The following PLCH1 variants were observed in gnomAD, a reference collection of about 807,000 sequenced individuals.
PLCH1 encodes the protein 1-phosphatidylinositol 4,5-bisphosphate phosphodiesterase eta-1.
In PLCH1, 60 loss-of-function variants were observed where a neutral mutation model predicts 126.7. The ratio of observed to expected loss-of-function variants is 0.47; its 90% CI spans 0.38 to 0.59. The LOEUF (loss-of-function observed/expected upper bound fraction) is 0.59. Among genes scored for constraint, PLCH1 ranks in the 20% least tolerant of loss-of-function variants. The pLI, the probability that PLCH1 is intolerant of heterozygous loss-of-function variation, is 0.00. For missense variants in PLCH1, 1,723 were observed against 2,040.0 expected (o/e 0.84, Z 2.99); for synonymous variants, 719 against 734.9 (o/e 0.98, Z 0.35).
At chr3:155,542,503 T>C (rs1420035662) in intron 10 of PLCH1, among the ~76,000 whole-genome samples, 1 of 152,138 alleles carries the variant, frequency 6.6e-6, no homozygotes, top group East Asian at 1.9e-4. Flanking sequence ...CAGACTTAAA[T>C]GTCCCCGTCT....
chr3:155,488,137 T>C, intron 20 of PLCH1, 30 bp from the exon 21 acceptor site: 1 of 1,399,348 alleles, frequency 7.1e-7, no homozygotes, highest in Non-Finnish European at 1.0e-6. Flanking sequence ...TCGTTTCTTT[T>C]TAGTTGAACT....
At chr3:155,740,057 C>A (rs533847791) in intron 1 of PLCH1, among the ~76,000 whole-genome samples, 1 of 152,102 alleles carries the variant, frequency 6.6e-6, no homozygotes, top group Non-Finnish European at 1.5e-5. Context: ...TTAGACATAG[C>A]GTGTGTACCA....
At chr3:155,550,078 TGA>T in intron 9 of PLCH1, 120 bp from the exon 10 acceptor site, 4 of 611,048 alleles carry the variant, frequency 6.5e-6, no homozygotes, top group Admixed American at 6.8e-5. Context: ...GCGATACTGA[TGA>T]TGGTTAAAAT....
At chr3:155,662,668 T>G (rs1337327658) in intron 2 of PLCH1, among the ~76,000 whole-genome samples, 1 of 152,078 alleles carries the variant, frequency 6.6e-6, no homozygotes, top group Non-Finnish European at 1.5e-5. Flanking sequence ...TATTTCTTTT[T>G]TTGTTTTGTT....
Position 155,481,578 on chromosome 3 carries a change from T to G in PLCH1, c.4448A>C (p.Lys1483Thr). ...TGTTAAGTCCCCCAGACTTTTGGAT[T>G]TGCAAGGACTAGGCAGTTTCAGAGC... ...LPALKLPSPC[K>T]SKSLGDLTSE... The change falls in exon 23 of 23, where the codon AAA (lysine) becomes ACA (threonine). Residue 1483 changes from lysine to threonine, a missense_variant. By Grantham distance (78) the Lys-to-Thr change is moderately conservative. Transcript: ENST00000460012. The surrounding 1 kb of genome is among the most constrained non-coding windows in gnomAD (Gnocchi z 4.2). 6.2e-7 allele frequency: 1 copy of G among 1,614,146 alleles called. No homozygotes were observed.
chr3:155,590,739 G>A (rs1732053532), intron 4 of PLCH1, among the ~76,000 whole-genome samples: 1 of 152,180 alleles, frequency 6.6e-6, no homozygotes, highest in South Asian at 2.1e-4. Flanking sequence ...GACAGAGCGA[G>A]ACTCCGCCTC....
chr3:155,730,394 G>A (rs1748684813), intron 1 of PLCH1, among the ~76,000 whole-genome samples: 1 of 151,818 alleles, frequency 6.6e-6, no homozygotes, highest in Admixed American at 6.6e-5. Context: ...TGATTCTCAT[G>A]TCTCAGCCTC....
intron 2 of PLCH1, among the ~76,000 whole-genome samples, chr3:155,645,852 A>G (rs1340599397): frequency 6.6e-6 from 1 of 152,220 alleles, no homozygotes; most frequent in Non-Finnish European, 1.5e-5. Context: ...GGAATGGGAT[A>G]AGGGCAAAAT....
intron 4 of PLCH1, 140 bp downstream of exon 4, chr3:155,593,801 G>T: frequency 1.3e-6 from 1 of 756,420 alleles, no homozygotes; most frequent in Non-Finnish European, 2.1e-6. Flanking sequence ...CAGGAGGGGA[G>T]AAGACGGTGT....
At position 155,564,937 on chromosome 3, in the gene PLCH1, T is replaced by G. The variant is rs1051279301; in HGVS notation, c.1047A>C (p.Gln349His). Residue 349 changes from glutamine to histidine, a missense_variant, in exon 8 of 23, where the codon CAA becomes CAC. By Grantham distance (24) the Gln-to-His change is conservative (BLOSUM62 0). This residue lies in a region of PLCH1 where 776 missense variants were observed against 1,062.9 expected (regional missense o/e 0.73). Coordinates refer to ENST00000460012, the MANE Select transcript of PLCH1 (RefSeq NM_014996.4). The stretch of plus-strand genomic sequence containing the variant: ...TACCTTCCACACAGCGACAGCCCTC[T>G]TGCAGCACCCGTGCATACATATCCA... ...SKVDMYARVL[Q>H]EGCRCVEVDC... The G allele has an allele frequency of 6.2e-7, 1 of 1,613,772 alleles. No individual in the cohort carries two copies. Among genetic ancestry groups the G allele is most frequent in the Non-Finnish European group, 8.5e-7 (1 of 1,179,720 alleles).
chr3:155,673,012 T>A (rs1743686980), intron 2 of PLCH1, among the ~76,000 whole-genome samples: 1 of 151,364 alleles, frequency 6.6e-6, no homozygotes, highest in African/African-American at 2.4e-5. Context: ...AACTCAAATC[T>A]GATTATTCTC....
At chr3:155,512,036 G>A (rs184264066) in intron 12 of PLCH1, among the ~76,000 whole-genome samples, 41 of 151,290 alleles carry the variant, frequency 2.7e-4, no homozygotes, top group Admixed American at 1.6e-3. Context: ...TGAGCCAGGT[G>A]TGGGATATAG....
At chr3:155,553,755 C>T (rs1726438303) in intron 9 of PLCH1, among the ~76,000 whole-genome samples, 9 of 152,138 alleles carry the variant, frequency 5.9e-5, no homozygotes, top group Admixed American at 5.2e-4. Context: ...TAATTATGTA[C>T]ACAGTAACCT....
At chr3:155,501,631 C>T (rs1717920425) in intron 13 of PLCH1, among the ~76,000 whole-genome samples, 1 of 152,012 alleles carries the variant, frequency 6.6e-6, no homozygotes, top group Non-Finnish European at 1.5e-5. Flanking sequence ...CTCATCTCTA[C>T]TAAAAATACA....
intron 2 of PLCH1, among the ~76,000 whole-genome samples, chr3:155,652,325 G>A (rs939322319): frequency 2.0e-5 from 3 of 152,136 alleles, no homozygotes; most frequent in African/African-American, 4.8e-5. Context: ...TAATGGACAC[G>A]AAGAAGCCAG....
intron 2 of PLCH1, among the ~76,000 whole-genome samples, chr3:155,672,129 TATG>T (rs1172072618): frequency 5.9e-5 from 9 of 152,072 alleles, no homozygotes; most frequent in Non-Finnish European, 1.3e-4. Context: ...AAACGTAAAA[TATG>T]ATGAATCCTA....
chr3:155,466,538 C>G (rs1712938117), intron 21 of PLCH1, among the ~76,000 whole-genome samples: 1 of 152,184 alleles, frequency 6.6e-6, no homozygotes, highest in Non-Finnish European at 1.5e-5. Flanking sequence ...TAAGCTCAGA[C>G]AGTGAAGACT....
chr3:155,468,972 C>A (rs577804876), intron 21 of PLCH1, among the ~76,000 whole-genome samples: 1 of 152,196 alleles, frequency 6.6e-6, no homozygotes, highest in Non-Finnish European at 1.5e-5. Flanking sequence ...AATCCACATT[C>A]TTTTCCTTAG....
At chr3:155,597,602 CT>C (rs1733143730) in intron 2 of PLCH1, among the ~76,000 whole-genome samples, 1 of 152,106 alleles carries the variant, frequency 6.6e-6, no homozygotes, top group African/African-American at 2.4e-5. Context: ...ATAAACAAAC[CT>C]CAGCAACATT....
Sources: allele counts gnomAD v4.1 joint callset (sites outside exome capture counted in the v4.1 genomes callset), GRCh38; gene constraint gnomAD v4.1.1; regional missense constraint gnomAD v4.1.1; non-coding constraint Gnocchi (gnomAD v3.1); transcripts MANE v1.5; gene names NCBI Gene and HGNC (gene_info 2026-07-23, HGNC 2026-07-21).